Variants in DDR2 observed in about 807,000 individuals in gnomAD.
DDR2 encodes discoidin domain receptor tyrosine kinase 2.
A neutral mutation model predicts 94.9 loss-of-function variants in DDR2; 27 were observed. The observed-to-expected ratio is 0.28, with a 90% CI of 0.21 to 0.39. DDR2 has a LOEUF of 0.39. Among genes scored for constraint, DDR2 ranks in the 10% least tolerant of loss-of-function variants. DDR2 has a pLI of 1.00. For synonymous variants in DDR2, 382 were observed against 377.2 expected, an observed-to-expected ratio of 1.01 and a Z score of -0.15; for missense variants, 783 against 1,076.0, an observed-to-expected ratio of 0.73 and a Z score of 3.81.
At chr1:162,722,189 C>T (rs1320323009) in intron 3 of DDR2, among the ~76,000 whole-genome samples, 1 of 152,090 alleles carries the variant, frequency 6.6e-6, no homozygotes, top group Non-Finnish European at 1.5e-5. Context: ...GGCTGAAGCA[C>T]GAAGGCAGCA....
At chr1:162,681,137 C>T (rs1173408376) in intron 2 of DDR2, among the ~76,000 whole-genome samples, 2 of 152,142 alleles carry the variant, frequency 1.3e-5, no homozygotes, top group Admixed American at 6.6e-5. Flanking sequence ...CTTCCTGGAT[C>T]TGTTTTTTAG....
At position 162,718,891 on chromosome 1, in the gene DDR2, G is replaced by A. The variant is rs16843907; in HGVS notation, c.-27-146G>A. ...ATGTGCCATTCAACTCCCAAAGTCT[G>A]TGATTCGAAGTCCCATATATAAAAA... On this transcript the variant is annotated intron_variant, in intron 2 of 17. Transcript: ENST00000367921. 5.0e-3 allele frequency: 3,721 copies of A among 737,654 alleles called. 62 individuals carry two copies. Among genetic ancestry groups the A allele is most frequent in the East Asian group, 0.048 (1,740 of 36,420 alleles). The allele number at this position is 737,654 out of a possible 1,614,324, so 45.7% of individuals were successfully genotyped here.
intron 2 of DDR2, among the ~76,000 whole-genome samples, chr1:162,683,885 G>A (rs1659535710): frequency 6.6e-6 from 1 of 151,674 alleles, no homozygotes; most frequent in East Asian, 1.9e-4. Context: ...GATAGAAAGA[G>A]GATTATTCTA....
intron 2 of DDR2, among the ~76,000 whole-genome samples, chr1:162,684,957 T>C (rs1659616119): frequency 6.6e-6 from 1 of 152,126 alleles, no homozygotes; most frequent in South Asian, 2.1e-4. Flanking sequence ...CAGATGTGGA[T>C]AACACTCAAA....
chr1:162,632,110 G>A (rs1027321485), upstream of DDR2: 2 of 151,572 alleles, frequency 1.3e-5, no homozygotes, highest in African/African-American at 4.8e-5. Flanking sequence ...AAAATGAGGT[G>A]TGGGGTAGGC....
At chr1:162,730,058 C>CTTAA (rs1661953788) in intron 3 of DDR2, among the ~76,000 whole-genome samples, 36 of 64,108 alleles carry the variant, frequency 5.6e-4, no homozygotes, top group South Asian at 1.1e-3. Context: ...TTTTTTTTTG[C>CTTAA]AAAAAAAAAA....
At chr1:162,745,503 A>G (rs1558060321) in intron 3 of DDR2, among the ~76,000 whole-genome samples, 1 of 152,110 alleles carries the variant, frequency 6.6e-6, no homozygotes, top group East Asian at 1.9e-4. Context: ...ATTTTTGGGT[A>G]CAATGTATGA....
chr1:162,733,302 G>A (rs1380870439), intron 3 of DDR2, among the ~76,000 whole-genome samples: 2 of 152,180 alleles, frequency 1.3e-5, no homozygotes, highest in Admixed American at 1.3e-4. Flanking sequence ...TATTGGCTGA[G>A]ATCCCTTCCA....
At chr1:162,780,071 C>G (rs2102210870) in intron 17 of DDR2, 41 bp from the exon 18 acceptor site, 1 of 1,612,418 alleles carries the variant, frequency 6.2e-7, no homozygotes, top group South Asian at 1.1e-5. Context: ...AATATTCTCT[C>G]TCTCTCTCTC....
In DDR2 at chr1:162,755,145, T is replaced by C. The variant is rs1663396958; in HGVS notation, c.418-11T>C. ...TACCACCTCTTCACTCATTCTCTTC[T>C]CTCTCCTCAGGTGCTGGATGGAAAT... On this transcript the variant is annotated splice_polypyrimidine_tract_variant and intron_variant, in intron 5 of 17. Coordinates refer to ENST00000367921, the MANE Select transcript of DDR2 (RefSeq NM_006182.4). The C allele has an allele frequency of 6.2e-7, 1 of 1,614,070 alleles. No homozygotes were observed. The highest frequency in any genetic ancestry group is 1.7e-5 in the Admixed American group (1 of 60,022).
intron 1 of DDR2, among the ~76,000 whole-genome samples, chr1:162,637,698 T>A (rs1395796219): frequency 1.3e-5 from 2 of 150,682 alleles, no homozygotes; most frequent in Non-Finnish European, 3.0e-5. Context: ...ATTAGAAAAA[T>A]TTTTTTTCTG....
chr1:162,668,068 G>A (rs1004262003), intron 2 of DDR2, among the ~76,000 whole-genome samples: 2 of 152,128 alleles, frequency 1.3e-5, no homozygotes, highest in African/African-American at 4.8e-5. Flanking sequence ...GTAGGGTGAG[G>A]CAGTGAAGCA....
intron 8 of DDR2, 47 bp downstream of exon 8, chr1:162,760,026 C>G (rs2102151343): frequency 6.2e-7 from 1 of 1,612,998 alleles, no homozygotes; most frequent in Non-Finnish European, 8.5e-7. Flanking sequence ...AGGCACAAAT[C>G]ATAGTGTGGT....
At position 162,747,250 on chromosome 1, in the gene DDR2, C is replaced by T. The variant is rs137860376; in HGVS notation, c.83-5845C>T. On this transcript the variant is annotated intron_variant, in intron 3 of 17. Coordinates refer to ENST00000367921, the MANE Select transcript of DDR2 (RefSeq NM_006182.4). Reference sequence around the variant, plus strand: ...AAGTTTGGAGGATGTTCAAACCCATCGCAAAGAAGCTAAAAACCTTGAAAA... The same window carrying T: ...AAGTTTGGAGGATGTTCAAACCCATTGCAAAGAAGCTAAAAACCTTGAAAA... Among the ~76,000 whole-genome samples the T allele has an allele frequency of 5.7e-4, 87 of 152,206 alleles. 1 individual carries two copies. Among genetic ancestry groups the T allele is most frequent in the African/African-American group, 1.9e-3 (79 of 41,514 alleles).
At chr1:162,751,828 T>TGA (rs1199649658) in intron 3 of DDR2, among the ~76,000 whole-genome samples, 2 of 152,210 alleles carry the variant, frequency 1.3e-5, no homozygotes, top group African/African-American at 2.4e-5. Flanking sequence ...TAAAAAAGGA[T>TGA]GAGTTCTTGT....
chr1:162,659,023 G>T (rs1658162575), intron 2 of DDR2, among the ~76,000 whole-genome samples: 1 of 152,006 alleles, frequency 6.6e-6, no homozygotes, highest in African/African-American at 2.4e-5. Context: ...GCTCTTATTT[G>T]TTCATGGGAT....
chr1:162,683,911 G>C (rs1244305930), intron 2 of DDR2, among the ~76,000 whole-genome samples: 1 of 152,004 alleles, frequency 6.6e-6, no homozygotes, highest in Admixed American at 6.6e-5. Context: ...TTGACTAAAG[G>C]CTGAGGAACC....
chr1:162,772,602 C>T (rs1418880688), intron 13 of DDR2, among the ~76,000 whole-genome samples: 4 of 152,184 alleles, frequency 2.6e-5, no homozygotes, highest in African/African-American at 9.7e-5. Context: ...CATTCTGCTA[C>T]TCAATAGCCA....
At chr1:162,706,103 A>C (rs1660649420) in intron 2 of DDR2, among the ~76,000 whole-genome samples, 1 of 152,214 alleles carries the variant, frequency 6.6e-6, no homozygotes, top group Non-Finnish European at 1.5e-5. Context: ...GCCTAGAAGA[A>C]GTGCCATGGT....
Sources: gnomAD v4.1 joint callset for allele counts (sites outside exome capture counted in the v4.1 genomes callset) on GRCh38, gnomAD v4.1.1 for gene constraint, MANE v1.5 for transcripts, NCBI Gene and HGNC (gene_info 2026-07-23, HGNC 2026-07-21) for gene names.